The following ATXN1 variants were observed in gnomAD, a reference collection of about 807,000 sequenced individuals.
The protein encoded by ATXN1 is ataxin 1, also known as ataxin-1.
ATXN1 carries 8 observed loss-of-function variants against 56.4 expected under a neutral mutation model. The ratio of observed to expected loss-of-function variants is 0.14; its 90% CI spans 0.08 to 0.26. ATXN1 has a LOEUF of 0.26. Among genes scored for constraint, ATXN1 ranks in the 10% least tolerant of loss-of-function variants. The probability of loss-of-function intolerance (pLI) is 1.00; values close to 1 mark genes in which losing one functional copy is unlikely to be tolerated. For missense variants in ATXN1, 987 were observed against 1,106.5 expected (o/e 0.89, Z 1.53); for synonymous variants, 514 against 494.6 (o/e 1.04, Z -0.52).
chr6:16,474,779 G>T (rs1760291313), intron 6 of ATXN1, among the ~76,000 whole-genome samples: 1 of 151,954 alleles, frequency 6.6e-6, no homozygotes, highest in Non-Finnish European at 1.5e-5. Flanking sequence ...TTTCCCCAGT[G>T]ACTGAAAGCT....
intron 6 of ATXN1, among the ~76,000 whole-genome samples, chr6:16,476,297 A>G (rs936086966): frequency 3.3e-5 from 5 of 152,214 alleles, no homozygotes; most frequent in Non-Finnish European, 7.3e-5. Flanking sequence ...AAGAATATGA[A>G]GCACGAAGTT....
At chr6:16,490,215 C>T (rs144057459) in intron 5 of ATXN1, among the ~76,000 whole-genome samples, 1 of 151,896 alleles carries the variant, frequency 6.6e-6, no homozygotes, top group South Asian at 2.1e-4. Context: ...CTGTGTGTGG[C>T]CTCTCTACTT....
intron 6 of ATXN1, among the ~76,000 whole-genome samples, chr6:16,368,392 C>T (rs1249257056): frequency 7.7e-6 from 1 of 129,850 alleles, no homozygotes; most frequent in Non-Finnish European, 1.6e-5. Flanking sequence ...GAACCTAATC[C>T]TAACTGTTAC....
At chr6:16,468,326 C>T (rs965023964) in intron 6 of ATXN1, among the ~76,000 whole-genome samples, 4 of 152,196 alleles carry the variant, frequency 2.6e-5, no homozygotes, top group African/African-American at 4.8e-5. Context: ...GCTGGGACTA[C>T]AGGCGCATGC....
chr6:16,690,561 G>A (rs1018121743), intron 2 of ATXN1, among the ~76,000 whole-genome samples: 30 of 152,260 alleles, frequency 2.0e-4, no homozygotes, highest in African/African-American at 6.5e-4. Context: ...ATAAACCAGG[G>A]GAGAGGATAA....
chr6:16,355,331 G>A (rs1761663071), intron 6 of ATXN1, among the ~76,000 whole-genome samples: 1 of 152,204 alleles, frequency 6.6e-6, no homozygotes, highest in South Asian at 2.1e-4. Context: ...AACTGCAGCA[G>A]GAATTTGCTG....
At chr6:16,374,807 G>A (rs1762111427) in intron 6 of ATXN1, among the ~76,000 whole-genome samples, 1 of 152,230 alleles carries the variant, frequency 6.6e-6, no homozygotes, top group Non-Finnish European at 1.5e-5. Context: ...TGAAAGAAGA[G>A]AAATACATCT....
intron 4 of ATXN1, among the ~76,000 whole-genome samples, chr6:16,571,379 T>C (rs1762328503): frequency 6.6e-6 from 1 of 152,208 alleles, no homozygotes; most frequent in African/African-American, 2.4e-5. Flanking sequence ...AATGTGAACA[T>C]ATGTGCTTCC....
intron 3 of ATXN1, among the ~76,000 whole-genome samples, chr6:16,596,173 A>AT (rs1762811693): frequency 6.6e-6 from 1 of 151,758 alleles, no homozygotes; most frequent in Non-Finnish European, 1.5e-5. Flanking sequence ...ATTTTTACTT[A>AT]TTTTTTGTAA....
chr6:16,674,710 A>G (rs1204574365), intron 2 of ATXN1, among the ~76,000 whole-genome samples: 1 of 152,038 alleles, frequency 6.6e-6, no homozygotes, highest in Non-Finnish European at 1.5e-5. Flanking sequence ...TTTCATTAAT[A>G]AAAATCCTTT....
intron 3 of ATXN1, among the ~76,000 whole-genome samples, chr6:16,650,360 C>T (rs1281934342): frequency 2.6e-5 from 4 of 152,188 alleles, no homozygotes; most frequent in African/African-American, 9.6e-5. Context: ...GAGCAGAAAG[C>T]TAACAAAATC....
chr6:16,695,932 C>G (rs77232892), intron 2 of ATXN1, among the ~76,000 whole-genome samples: 5,832 of 152,228 alleles, frequency 0.038, 261 homozygotes, highest in African/African-American at 0.11. Context: ...CCACTACCCT[C>G]TGGCCTGGGC....
At chr6:16,352,579 G>A (rs1384116898) in intron 6 of ATXN1, among the ~76,000 whole-genome samples, 1 of 152,144 alleles carries the variant, frequency 6.6e-6, no homozygotes, top group African/African-American at 2.4e-5. Flanking sequence ...ATCACAGCAA[G>A]GGAATTTAAA....
intron 6 of ATXN1, among the ~76,000 whole-genome samples, chr6:16,442,098 G>C (rs116198025): frequency 1.3e-5 from 2 of 152,184 alleles, no homozygotes; most frequent in Non-Finnish European, 2.9e-5. Flanking sequence ...AAATGACTGA[G>C]TTACCTATAA....
chr6:16,550,417 T>C (rs1388871302), intron 4 of ATXN1, among the ~76,000 whole-genome samples: 1 of 152,150 alleles, frequency 6.6e-6, no homozygotes, highest in African/African-American at 2.4e-5. Context: ...TTTGGGACAA[T>C]CTGAGAGGGT....
chr6:16,315,094 G>C (rs1237625163), intron 7 of ATXN1, among the ~76,000 whole-genome samples: 2 of 152,054 alleles, frequency 1.3e-5, no homozygotes, highest in Admixed American at 1.3e-4. Flanking sequence ...GGTACATTTG[G>C]ACACCAGTGA....
intron 6 of ATXN1, among the ~76,000 whole-genome samples, chr6:16,441,473 A>G (rs1737844): frequency 0.57 from 86,751 of 151,922 alleles, 25,338 homozygotes; most frequent in African/African-American, 0.64. Flanking sequence ...GTGGTCAAAT[A>G]CAGTGCACAG....
intron 7 of ATXN1, among the ~76,000 whole-genome samples, chr6:16,315,715 T>C (rs577832070): frequency 6.6e-6 from 1 of 152,206 alleles, no homozygotes; most frequent in South Asian, 2.1e-4. Flanking sequence ...CAGGCTGGAG[T>C]ACAGTAGCAT....
At chr6:16,508,049 A>G (rs1484680226) in intron 5 of ATXN1, among the ~76,000 whole-genome samples, 1 of 152,224 alleles carries the variant, frequency 6.6e-6, no homozygotes, top group African/African-American at 2.4e-5. Context: ...GCTCACATTA[A>G]CTGTGGGCTT....
Sources: allele counts gnomAD v4.1 joint callset (sites outside exome capture counted in the v4.1 genomes callset), GRCh38; gene constraint gnomAD v4.1.1; transcripts MANE v1.5; gene names NCBI Gene and HGNC (gene_info 2026-07-23, HGNC 2026-07-21).